AKAP13: variants seen among roughly 807,000 people sequenced by gnomAD.
AKAP13 encodes the protein A-kinase anchoring protein 13.
A neutral mutation model predicts 264.5 loss-of-function variants in AKAP13; 80 were observed. The ratio of observed to expected loss-of-function variants is 0.30; its 90% confidence interval spans 0.25 to 0.36. AKAP13 has a LOEUF of 0.36. AKAP13 is among the 10% of genes least tolerant of loss of function. The pLI is 1.00. For missense variants in AKAP13, 3,712 were observed against 3,435.2 expected (o/e 1.08, Z -2.01); for synonymous variants, 1,380 against 1,250.2 (o/e 1.10, Z -2.19).
rs143854907 is a variant in AKAP13, at chr15:85,581,998, A to G, written c.3930A>G (p.Pro1310=). The G allele has an allele frequency of 3.3e-4, 530 of 1,614,048 alleles. No individual in the cohort carries two copies. The highest frequency in any genetic ancestry group is 4.3e-4 in the Non-Finnish European group (511 of 1,180,016). The change falls in exon 7 of 37, where the codon CCA becomes CCG. Residue 1310 remains proline (P), a synonymous_variant. Coordinates refer to ENST00000394518, the MANE Select transcript of AKAP13 (RefSeq NM_007200.5). ...VSTFPPGESL[P]MGSTPEEATG... The stretch of plus-strand genomic sequence containing the variant: ...CTTTCCCACCTGGGGAGAGCCTACC[A>G]ATGGGCAGTACTCCTGAGGAAGCCA...
intron 1 of AKAP13, among the ~76,000 whole-genome samples, chr15:85,442,469 T>C (rs1458473643): frequency 8.0e-6 from 1 of 124,610 alleles, no homozygotes; most frequent in Non-Finnish European, 1.6e-5. Flanking sequence ...ATATACATAA[T>C]ATATATTATA....
chr15:85,391,486 CT>C lies in AKAP13; in HGVS notation c.-12+10704del, dbSNP rs759926035. Among the ~76,000 whole-genome samples, 545 of 135,612 alleles carry C rather than the reference CT, an allele frequency of 4.0e-3. 1 individual carries two copies. Among genetic ancestry groups the C allele is most frequent in the Middle Eastern group, 0.011 (3 of 262 alleles). The allele number at this position is 135,612 out of a possible 152,430, so 89.0% of individuals were successfully genotyped here. A position where few individuals can be genotyped will look rare whatever the true frequency, so the allele number is the denominator to read the frequency against. ...ATATTTGTCTTTATTCTTTTCTTTT[CT>C]TTTTTTTTTTTTTTTAAGACAGGGT... is the stretch of plus-strand genomic sequence containing the variant. On this transcript the variant is annotated intron_variant, in intron 1 of 36. Transcript: ENST00000394518.
chr15:85,676,520 G>T (rs1256905301), intron 14 of AKAP13, among the ~76,000 whole-genome samples: 1 of 152,186 alleles, frequency 6.6e-6, no homozygotes, highest in Non-Finnish European at 1.5e-5. Context: ...GGTGAGCAGG[G>T]AGAGGAATGA....
rs1471798960 is a variant in AKAP13 at position 85,707,957 on chromosome 15, A to T, written c.5465-62A>T. 5 of 1,563,290 alleles carry T rather than the reference A, an allele frequency of 3.2e-6. No individual in the cohort carries two copies. In the Admixed American group the frequency reaches 5.0e-5, roughly 16 times the overall value. On this transcript the variant is annotated intron_variant, in intron 17 of 36. Coordinates refer to ENST00000394518, the MANE Select transcript of AKAP13 (RefSeq NM_007200.5). ...CAGAGGCCACTTGTGGCAGCAGTGG[A>T]AACTCAGAATCTGGGATCTGTTTGC...
chr15:85,506,949 T>C (rs1187534404), intron 2 of AKAP13, among the ~76,000 whole-genome samples: 1 of 152,188 alleles, frequency 6.6e-6, no homozygotes, highest in African/African-American at 2.4e-5. Context: ...TACTCTCCCC[T>C]CCTTGGAGTG....
At chr15:85,502,358 T>TA (rs2076059511) in intron 2 of AKAP13, among the ~76,000 whole-genome samples, 2 of 152,228 alleles carry the variant, frequency 1.3e-5, no homozygotes, top group South Asian at 4.1e-4. Context: ...ATTGAATACT[T>TA]ACTAAACATC....
Position 85,533,730 on chromosome 15 carries a change from C to A in AKAP13, c.328C>A (p.Gln110Lys). 1 of 1,614,172 alleles carries A rather than the reference C, an allele frequency of 6.2e-7. No individual in the cohort carries two copies. Among genetic ancestry groups the A allele is most frequent in the Non-Finnish European group, 8.5e-7 (1 of 1,179,994 alleles). The change falls in exon 4 of 37, where the codon CAG becomes AAG. Residue 110 changes from glutamine to lysine, a missense_variant. Gln to Lys is a moderately conservative substitution (Grantham distance 53). Coordinates refer to ENST00000394518, the MANE Select transcript of AKAP13 (RefSeq NM_007200.5). Reference sequence around the variant, plus strand: ...ATTCCTAGCAACCAGTGCTGGAAATCAGCAGGCTTTGAACTTTACCCGTTT... The same window carrying A: ...ATTCCTAGCAACCAGTGCTGGAAATAAGCAGGCTTTGAACTTTACCCGTTT... The part of the protein sequence containing the change: ...AQFLATSAGN[Q>K]QALNFTRFLD...
chr15:85,570,277 C>T (rs2078769296), intron 5 of AKAP13, among the ~76,000 whole-genome samples: 1 of 151,864 alleles, frequency 6.6e-6, no homozygotes, highest in Non-Finnish European at 1.5e-5. Flanking sequence ...ATGGCAAAAC[C>T]CCATCTCTAC....
chr15:85,543,513 C>T lies in AKAP13; in HGVS notation c.479-259C>T, dbSNP rs527384030. Among the ~76,000 whole-genome samples, 9 of 152,244 alleles carry T rather than the reference C, an allele frequency of 5.9e-5. No homozygotes were observed. The East Asian group carries it at 1.7e-3, about 29-fold the overall frequency. On this transcript the variant is annotated intron_variant, in intron 4 of 36. Transcript: ENST00000394518. ...TATTAAGTCAGAATATAGAAATGTC[C>T]TGATTCTCTTTTGCAGGACTGTGTT...
At chr15:85,682,839 G>A (rs1347765721) in intron 15 of AKAP13, among the ~76,000 whole-genome samples, 1 of 152,074 alleles carries the variant, frequency 6.6e-6, no homozygotes, top group African/African-American at 2.4e-5. Context: ...AGCTAATTTT[G>A]TATTTTTAGT....
At chr15:85,464,394 C>T (rs1410715688) in intron 1 of AKAP13, among the ~76,000 whole-genome samples, 1 of 152,130 alleles carries the variant, frequency 6.6e-6, no homozygotes, top group African/African-American at 2.4e-5. Context: ...GTTCTTTGAG[C>T]CCTATTGTCC....
Position 85,581,694 on chromosome 15 carries a change from C to T in AKAP13, c.3626C>T (p.Pro1209Leu), listed in dbSNP as rs143251715. 2.1e-4 allele frequency: 333 copies of T among 1,614,122 alleles called. No homozygotes were observed. The African/African-American group carries it at 3.7e-3, about 18-fold the overall frequency. The change falls in exon 7 of 37, where the codon CCA becomes CTA. Residue 1209 changes from proline to leucine, a missense_variant. This residue lies in a region of AKAP13 where 2,759 missense variants were observed against 2,411.7 expected (regional missense o/e 1.14). Transcript: ENST00000394518. ...MELSAHDDGA[P>L]AGVREVMRAP... The stretch of plus-strand genomic sequence containing the variant: ...CTCTCAGCCCATGATGATGGGGCCC[C>T]AGCTGGTGTGAGGGAAGTCATGCGA...
chr15:85,678,497 T>A (rs1035320685), intron 14 of AKAP13, among the ~76,000 whole-genome samples: 1 of 152,224 alleles, frequency 6.6e-6, no homozygotes, highest in Non-Finnish European at 1.5e-5. Context: ...CCAGTTGTAA[T>A]AGAAGGAAGG....
intron 3 of AKAP13, among the ~76,000 whole-genome samples, chr15:85,529,690 G>A (rs1567108204): frequency 6.6e-6 from 1 of 152,220 alleles, no homozygotes; most frequent in Non-Finnish European, 1.5e-5. Context: ...AAACATTAAT[G>A]TGAGAGAGTA....
chr15:85,579,785 A>C lies in AKAP13; in HGVS notation c.1717A>C (p.Ser573Arg), dbSNP rs2079118317. 1.2e-6 allele frequency: 2 copies of C among 1,614,106 alleles called. No individual in the cohort carries two copies. The highest frequency in any genetic ancestry group is 1.3e-5 in the African/African-American group (1 of 74,918). Reference sequence around the variant, plus strand: ...AACAGCAGAAACGGAAACTTCACGAAGTCGTGAGGAGAGTGCTGATGCTCC... The same window carrying C: ...AACAGCAGAAACGGAAACTTCACGACGTCGTGAGGAGAGTGCTGATGCTCC... The part of the protein sequence containing the change: ...EKTAETETSR[S>R]REESADAPVD... The change falls in exon 7 of 37, where the codon AGT becomes CGT. Residue 573 changes from serine to arginine, a missense_variant. By Grantham distance (110) the Ser-to-Arg change is moderately radical. This residue lies in a region of AKAP13 where 2,759 missense variants were observed against 2,411.7 expected (regional missense o/e 1.14). Coordinates refer to ENST00000394518, the MANE Select transcript of AKAP13 (RefSeq NM_007200.5).
At chr15:85,506,318 A>G (rs776130159) in intron 2 of AKAP13, among the ~76,000 whole-genome samples, 6 of 152,174 alleles carry the variant, frequency 3.9e-5, no homozygotes, top group Non-Finnish European at 7.4e-5. Flanking sequence ...GTTTACAGAA[A>G]GAGAGACCAG....
intron 1 of AKAP13, among the ~76,000 whole-genome samples, chr15:85,470,646 T>C (rs981895156): frequency 1.3e-5 from 2 of 152,218 alleles, no homozygotes; most frequent in African/African-American, 4.8e-5. Flanking sequence ...GCTTTTCTTA[T>C]CCCTCCTTGC....
chr15:85,649,280 AG>A (rs1378055321), intron 10 of AKAP13, among the ~76,000 whole-genome samples: 1 of 152,202 alleles, frequency 6.6e-6, no homozygotes, highest in African/African-American at 2.4e-5. Flanking sequence ...GTTTGCATCT[AG>A]GCCTGACTCT....
chr15:85,435,824 C>T (rs1363530715), intron 1 of AKAP13, among the ~76,000 whole-genome samples: 4 of 150,232 alleles, frequency 2.7e-5, no homozygotes, highest in African/African-American at 4.9e-5. Flanking sequence ...AAGCGCTAAA[C>T]GTGGAAAGGA....
Sources: allele counts gnomAD v4.1 joint callset (sites outside exome capture counted in the v4.1 genomes callset), GRCh38; gene constraint gnomAD v4.1.1; regional missense constraint gnomAD v4.1.1; transcripts MANE v1.5; gene names NCBI Gene and HGNC (gene_info 2026-07-23, HGNC 2026-07-21).